EMILIN1: variants seen among roughly 807,000 people sequenced by gnomAD.
The protein encoded by EMILIN1 is elastin microfibril interfacer 1.
Under a neutral mutation model 82.4 loss-of-function variants are expected in EMILIN1, and 49 were observed. The ratio of observed to expected loss-of-function variants is 0.59; its 90% CI spans 0.47 to 0.75. The LOEUF (loss-of-function observed/expected upper bound fraction) is 0.75, where lower values mean the gene tolerates loss of function less well. EMILIN1 is among the 30% of genes least tolerant of loss of function. The pLI, the probability that EMILIN1 is intolerant of heterozygous loss-of-function variation, is 0.00. For missense variants in EMILIN1, 1,313 were observed against 1,366.4 expected, an observed-to-expected ratio of 0.96 and a Z score of 0.62; for synonymous variants, 604 against 602.2, an observed-to-expected ratio of 1.00 and a Z score of -0.04.
Position 27,082,406 on chromosome 2 carries a change from CCAGCCT to C in EMILIN1, c.841_846del (p.Ser281_Ala282del), listed in dbSNP as rs1285460876. On this transcript the variant is annotated inframe_deletion, in exon 4 of 8. Coordinates refer to ENST00000380320, the MANE Select transcript of EMILIN1 (RefSeq NM_007046.4). Reference sequence around the variant, plus strand: ...CAGTGGGGGCAGCAGGGCCCCAGCCCCAGCCTCAGCCCCTCCGGGCCCCAGTGAGGA... The same window carrying C: ...CAGTGGGGGCAGCAGGGCCCCAGCCCCAGCCCCTCCGGGCCCCAGTGAGGA... 2.5e-6 allele frequency: 4 copies of C among 1,607,334 alleles called. No individual in the cohort carries two copies. The highest frequency in any genetic ancestry group is 1.7e-5 in the Admixed American group (1 of 59,716).
At position 27,084,421 on chromosome 2, in the gene EMILIN1, C is replaced by A. The variant is rs747523819; in HGVS notation, c.2447C>A (p.Ala816Glu). 13 of 1,601,770 alleles carry A rather than the reference C, an allele frequency of 8.1e-6. No homozygotes were observed. Among genetic ancestry groups the A allele is most frequent in the Non-Finnish European group, 8.5e-6 (10 of 1,171,334 alleles). The stretch of plus-strand genomic sequence containing the variant: ...CTCAATTTTGTCACTGTAGGGCCTG[C>A]AGGAGAGGCTGGGCCCCCAGGGCCT... ...QLSLKDLTGP[A>E]GEAGPPGPPG... Residue 816 changes from alanine (A) to glutamate (E), a missense_variant, in exon 5 of 8, where the codon GCA becomes GAA. Transcript: ENST00000380320.
chr2:27,085,392 T>C, intron 7 of EMILIN1, 95 bp downstream of exon 7: 2 of 1,480,062 alleles, frequency 1.4e-6, no homozygotes, highest in Admixed American at 1.7e-5. Context: ...AGTGTGAATC[T>C]TCATTCTCTG....
Position 27,078,914 on chromosome 2 carries a change from A to G in EMILIN1, c.-152A>G. On this transcript the variant is annotated 5_prime_UTR_variant, in exon 1 of 8. Transcript: ENST00000380320. ...GAGGGGTCAGGCCAGGCAGCCAAGG[A>G]GAAGACGTGTGGCCGGGGGCTATCA... The G allele has an allele frequency of 1.8e-6, 1 of 554,928 alleles. No individual in the cohort carries two copies. The allele number at this position is 554,928 out of a possible 1,614,324, so 34.4% of individuals were successfully genotyped here.
At chr2:27,084,943 TAGTG>T (rs751683054) in intron 5 of EMILIN1, 44 bp from the exon 6 acceptor site, 1 of 1,589,712 alleles carries the variant, frequency 6.3e-7, no homozygotes, top group African/African-American at 1.3e-5. Flanking sequence ...CTGAGTGACT[TAGTG>T]AGAGCTGCTT....
rs1279225654 is a variant in EMILIN1 at position 27,086,045 on chromosome 2, G to T, written c.*30G>T. 6 of 1,391,396 alleles carry T rather than the reference G, an allele frequency of 4.3e-6. No homozygotes were observed. Among genetic ancestry groups the T allele is most frequent in the Non-Finnish European group, 5.7e-6 (6 of 1,059,212 alleles). The allele number at this position is 1,391,396 out of a possible 1,614,324, so 86.2% of individuals were successfully genotyped here. ...GGGTCCCGCCCGACGTGTCTACGTC[G>T]GCTGAAGAGACAGCGGGGGCGGCGG... On this transcript the variant is annotated 3_prime_UTR_variant, in exon 8 of 8. Coordinates refer to ENST00000380320, the MANE Select transcript of EMILIN1 (RefSeq NM_007046.4).
In EMILIN1 at chr2:27,085,412, G is replaced by C. The variant is rs1221233820; in HGVS notation, c.2713+115G>C. ...GAATCTTCATTCTCTGATTTGGGGA[G>C]ACCCCGGCTCTTTCTTCATTTATTC... On this transcript the variant is annotated intron_variant, in intron 7 of 7. Coordinates refer to ENST00000380320, the MANE Select transcript of EMILIN1 (RefSeq NM_007046.4). 3 of 1,318,938 alleles carry C rather than the reference G, an allele frequency of 2.3e-6. No homozygotes were observed. In the African/African-American group the frequency reaches 4.4e-5, roughly 19 times the overall value. 81.7% of individuals were successfully genotyped at this position (1,318,938 alleles called of 1,614,324 possible).
In EMILIN1 at chr2:27,084,227, G is replaced by A. The variant is rs557952115; in HGVS notation, c.2441-188G>A. Among the ~76,000 whole-genome samples, 3 of 152,282 alleles carry A rather than the reference G, an allele frequency of 2.0e-5. No individual in the cohort carries two copies. The East Asian group carries it at 5.8e-4, about 29-fold the overall frequency. Reference sequence around the variant, plus strand: ...CTGGCTGCTCACTAGGCCTGTGGGTGGAGAGAGGATGTTGCTCTGCCAGCC... The same window carrying A: ...CTGGCTGCTCACTAGGCCTGTGGGTAGAGAGAGGATGTTGCTCTGCCAGCC... On this transcript the variant is annotated intron_variant, in intron 4 of 7. Coordinates refer to ENST00000380320, the MANE Select transcript of EMILIN1 (RefSeq NM_007046.4).
Position 27,078,958 on chromosome 2 carries a change from C to A in EMILIN1, c.-108C>A. 2 of 852,100 alleles carry A rather than the reference C, an allele frequency of 2.3e-6. No individual in the cohort carries two copies. Among genetic ancestry groups the A allele is most frequent in the Non-Finnish European group, 3.4e-6 (2 of 590,248 alleles). The allele number at this position is 852,100 out of a possible 1,614,324, so 52.8% of individuals were successfully genotyped here. On this transcript the variant is annotated 5_prime_UTR_variant, in exon 1 of 8. Transcript: ENST00000380320. ...GCTATCAGAAGGAAACTGGGACGGA[C>A]GGGCCGGGCTCGGGCTGTCCTGTGG...
In EMILIN1 at chr2:27,080,161, G is replaced by A; in HGVS notation, c.181G>A (p.Ala61Thr). Reference protein sequence around the residue: ...RPASRHRNWCAYVVTRTVSCV... With the variant: ...RPASRHRNWCTYVVTRTVSCV... Reference sequence around the variant, plus strand: ...GGGTTGTACCTACAGGAACTGGTGTGCCTACGTGGTGACCCGGACAGTGAG... The same window carrying A: ...GGGTTGTACCTACAGGAACTGGTGTACCTACGTGGTGACCCGGACAGTGAG... The change falls in exon 2 of 8, where the codon GCC becomes ACC. Residue 61 changes from alanine (A) to threonine (T), a missense_variant. Ala to Thr is a moderately conservative substitution (Grantham distance 58). Coordinates refer to ENST00000380320, the MANE Select transcript of EMILIN1 (RefSeq NM_007046.4). The A allele has an allele frequency of 1.2e-6, 2 of 1,614,056 alleles. No individual in the cohort carries two copies. The highest frequency in any genetic ancestry group is 1.7e-6 in the Non-Finnish European group (2 of 1,179,914).
chr2:27,082,717 G>A lies in EMILIN1; in HGVS notation c.1146G>A (p.Arg382=), dbSNP rs377395869. The A allele has an allele frequency of 5.7e-5, 88 of 1,550,666 alleles. No homozygotes were observed. The highest frequency in any genetic ancestry group is 7.0e-5 in the Non-Finnish European group (81 of 1,152,808). The change falls in exon 4 of 8, where the codon CGG becomes CGA. Residue 382 remains arginine (R), a synonymous_variant. Coordinates refer to ENST00000380320, the MANE Select transcript of EMILIN1 (RefSeq NM_007046.4). The stretch of plus-strand genomic sequence containing the variant: ...GCTCAGTGACAGTGCTGAGTGGGCG[G>A]CGAGGCACAGAGCTGGGAGGAGCCG... ...VAGSVTVLSG[R]RGTELGGAAG...
chr2:27,083,036 C>G lies in EMILIN1; in HGVS notation c.1465C>G (p.Gln489Glu). Residue 489 changes from glutamine (Q) to glutamate (E), a missense_variant, in exon 4 of 8, where the codon CAG becomes GAG. Gln to Glu is a conservative substitution (Grantham distance 29). Coordinates refer to ENST00000380320, the MANE Select transcript of EMILIN1 (RefSeq NM_007046.4). ...GQLCSGAPGE[Q>E]DSQVSEILSA... ...GCTCTGCTCTGGGGCCCCTGGGGAGCAGGACTCTCAAGTCAGCGAGATCCT... is the reference window on the plus strand; with the variant it reads ...GCTCTGCTCTGGGGCCCCTGGGGAGGAGGACTCTCAAGTCAGCGAGATCCT... 1.3e-6 allele frequency: 2 copies of G among 1,546,928 alleles called. No homozygotes were observed. The highest frequency in any genetic ancestry group is 1.7e-6 in the Non-Finnish European group (2 of 1,146,650).
chr2:27,081,020 G>C, intron 3 of EMILIN1, 68 bp downstream of exon 3: 1 of 1,258,104 alleles, frequency 7.9e-7, no homozygotes. Context: ...GGAAATGTGG[G>C]GCCAGGCTGC....
In EMILIN1 at chr2:27,081,108, C is replaced by CATGTGT. The variant is rs878898455; in HGVS notation, c.511+156_511+157insATGTGT. On this transcript the variant is annotated intron_variant, in intron 3 of 7. Coordinates refer to ENST00000380320, the MANE Select transcript of EMILIN1 (RefSeq NM_007046.4). The stretch of plus-strand genomic sequence containing the variant: ...AGTGAGATCGCAGAGATTCCCTGCC[C>CATGTGT]GTGTGTGTGTGTGTGTGTGTGTGTG... 4.2e-5 allele frequency among the ~76,000 whole-genome samples: 6 copies of CATGTGT among 142,554 alleles called. No homozygotes were observed. In the East Asian group the frequency reaches 1.3e-3, roughly 30 times the overall value. 93.5% of individuals were successfully genotyped at this position (142,554 alleles called of 152,430 possible).
In EMILIN1 at chr2:27,078,712, T is replaced by C. The variant is rs555724371; in HGVS notation, c.-354T>C. On this transcript the variant is annotated 5_prime_UTR_variant, in exon 1 of 8. Transcript: ENST00000380320. ...ACAGGGAGACCAGAAGAGGGCCAGC[T>C]GGGACGAGGGGGCGGACGCCCAGGA... is the stretch of plus-strand genomic sequence containing the variant. The C allele has an allele frequency of 6.2e-4, 145 of 233,878 alleles. No individual in the cohort carries two copies. The highest frequency in any genetic ancestry group is 1.2e-3 in the Admixed American group (21 of 17,392). 14.5% of individuals were successfully genotyped at this position (233,878 alleles called of 1,614,324 possible).
In EMILIN1 at chr2:27,079,182, C is replaced by G; in HGVS notation, c.117C>G (p.Leu39=). 6.3e-7 allele frequency: 1 copy of G among 1,585,830 alleles called. No individual in the cohort carries two copies. Among genetic ancestry groups the G allele is most frequent in the Non-Finnish European group, 8.5e-7 (1 of 1,169,828 alleles). The change falls in exon 1 of 8, where the codon CTC becomes CTG. Residue 39 remains leucine (L), a synonymous_variant. Transcript: ENST00000380320. ...TCTACACAGGTTCCAGTGGGGCCCT[C>G]AGCCCCGGGGGGCCCCAGGCCCAGA... The part of the protein sequence containing the change: ...FSLYTGSSGA[L]SPGGPQAQIA...
Position 27,083,572 on chromosome 2 carries a change from T to C in EMILIN1, c.2001T>C (p.Thr667=). The C allele has an allele frequency of 1.2e-6, 2 of 1,614,050 alleles. No individual in the cohort carries two copies. The highest frequency in any genetic ancestry group is 1.7e-6 in the Non-Finnish European group (2 of 1,179,932). The change falls in exon 4 of 8, where the codon ACT becomes ACC. Residue 667 remains threonine, a synonymous_variant. Coordinates refer to ENST00000380320, the MANE Select transcript of EMILIN1 (RefSeq NM_007046.4). ...ACTCACTGAATGAGCTCCAGACCAC[T>C]GTGGAGGGCCAGGGCGCTGATCTGG... ...LNDSLNELQT[T]VEGQGADLAD...
rs1669486435 is a variant in EMILIN1 at position 27,082,129 on chromosome 2, G to C, written c.558G>C (p.Gln186His). 2 of 1,613,726 alleles carry C rather than the reference G, an allele frequency of 1.2e-6. No individual in the cohort carries two copies. The highest frequency in any genetic ancestry group is 4.5e-5 in the East Asian group (2 of 44,880). The change falls in exon 4 of 8, where the codon CAG (glutamine) becomes CAC (histidine). Residue 186 changes from glutamine (Q) to histidine (H), a missense_variant. Gln to His is a conservative substitution (Grantham distance 24). Transcript: ENST00000380320. The part of the protein sequence containing the change: ...EKVQQLEEQV[Q>H]SLTKELQGLR... ...TGCAGCAGCTGGAGGAACAGGTGCAGAGCCTGACCAAGGAGCTGCAAGGCC... is the reference window on the plus strand; with the variant it reads ...TGCAGCAGCTGGAGGAACAGGTGCACAGCCTGACCAAGGAGCTGCAAGGCC...
Position 27,083,761 on chromosome 2 carries a change from T to A in EMILIN1, c.2190T>A (p.Leu730=). 6.2e-7 allele frequency: 1 copy of A among 1,612,218 alleles called. No homozygotes were observed. The highest frequency in any genetic ancestry group is 2.2e-5 in the East Asian group (1 of 44,768). The part of the protein sequence containing the change: ...CPSLEGRLGR[L]EGVCERLDTV... ...GCTTAGAGGGGCGATTGGGCCGTCT[T>A]GAGGGTGTCTGTGAACGGTTGGACA... Residue 730 remains leucine (L), a synonymous_variant, in exon 4 of 8, where the codon CTT becomes CTA. Coordinates refer to ENST00000380320, the MANE Select transcript of EMILIN1 (RefSeq NM_007046.4).
rs1669461249 is a variant in EMILIN1 at position 27,080,862 on chromosome 2, T to A, written c.421T>A (p.Ser141Thr). The A allele has an allele frequency of 1.9e-6, 3 of 1,611,476 alleles. No homozygotes were observed. The South Asian group carries it at 3.3e-5, about 18-fold the overall frequency. The change falls in exon 3 of 8, where the codon TCT (serine) becomes ACT (threonine). Residue 141 changes from serine to threonine, a missense_variant. Ser to Thr is a moderately conservative substitution (Grantham distance 58, BLOSUM62 1). Coordinates refer to ENST00000380320, the MANE Select transcript of EMILIN1 (RefSeq NM_007046.4). ...ESPAPALGPA[S>T]STPRPLARPA... ...TCCCGCTCCAGCGCTGGGGCCTGCG[T>A]CTTCCACACCACGGCCCCTGGCCCG...
Sources: allele counts gnomAD v4.1 joint callset (sites outside exome capture counted in the v4.1 genomes callset), GRCh38; gene constraint gnomAD v4.1.1; transcripts MANE v1.5; gene names NCBI Gene and HGNC (gene_info 2026-07-23, HGNC 2026-07-21).